GVQW3: variants seen among roughly 807,000 people sequenced by gnomAD.
GVQW3 encodes the protein protein GVQW3.
GVQW3 carries 7 observed loss-of-function variants against 12.5 expected under a neutral mutation model. The observed-to-expected ratio is 0.56, with a 90% CI of 0.32 to 1.05. The LOEUF (loss-of-function observed/expected upper bound fraction) is 1.05. Ranked by LOEUF, GVQW3 falls within the 50% of genes least tolerant of loss-of-function variation. GVQW3 has a pLI of 0.04. For missense variants in GVQW3, 188 were observed against 190.8 expected, an observed-to-expected ratio of 0.99 and a Z score of 0.09; for synonymous variants, 71 against 67.2, an observed-to-expected ratio of 1.06 and a Z score of -0.28.
chr11:76,402,842 G>A (rs1947004034), intron 1 of GVQW3, among the ~76,000 whole-genome samples: 1 of 151,974 alleles, frequency 6.6e-6, no homozygotes, highest in South Asian at 2.1e-4. Flanking sequence ...GGGACTACAG[G>A]CACACACCAC....
Position 76,403,954 on chromosome 11 carries a change from T to A in GVQW3, c.*196T>A, listed in dbSNP as rs1465332458. 1.4e-6 allele frequency: 1 copy of A among 697,454 alleles called. No homozygotes were observed. The highest frequency in any genetic ancestry group is 1.8e-5 in the African/African-American group (1 of 57,094). The allele number at this position is 697,454 out of a possible 1,614,324, so 43.2% of individuals were successfully genotyped here. A position where few individuals can be genotyped will look rare whatever the true frequency, so the allele number is the denominator to read the frequency against. ...ATGAATTGGATGATGTCCATGCACATTAGGGAGGGCTGCCTCTTCATTACT... is the reference window on the plus strand; with the variant it reads ...ATGAATTGGATGATGTCCATGCACAATAGGGAGGGCTGCCTCTTCATTACT... On this transcript the variant is annotated 3_prime_UTR_variant, in exon 2 of 2. Coordinates refer to ENST00000529331, the MANE Select transcript of GVQW3 (RefSeq NM_001347885.2).
intron 1 of GVQW3, among the ~76,000 whole-genome samples, chr11:76,402,960 A>ATTT (rs1313870868): frequency 9.2e-6 from 1 of 108,528 alleles, no homozygotes; most frequent in East Asian, 4.0e-4. Context: ...TTATTTATTT[A>ATTT]TTTTTGAGAC....
At position 76,381,819 on chromosome 11, in the gene GVQW3, C is replaced by T. The variant is rs1218507063; in HGVS notation, c.-10C>T. 2 of 1,517,162 alleles carry T rather than the reference C, an allele frequency of 1.3e-6. No homozygotes were observed. The highest frequency in any genetic ancestry group is 1.8e-6 in the Non-Finnish European group (2 of 1,137,840). 94.0% of individuals were successfully genotyped at this position (1,517,162 alleles called of 1,614,324 possible). ...GCCTGTTAAACGTTCCTGTGTTGTT[C>T]AGTGCCAGAATGAGTGACCGCTATT... On this transcript the variant is annotated 5_prime_UTR_variant, in exon 1 of 2. Transcript: ENST00000529331.
At chr11:76,400,645 C>T (rs61894461) in intron 1 of GVQW3, among the ~76,000 whole-genome samples, 4,090 of 152,190 alleles carry the variant, frequency 0.027, 82 homozygotes, top group East Asian at 0.078. Context: ...GTCTTGAACT[C>T]CTGACCTCAG....
Position 76,393,423 on chromosome 11 carries a change from G to T in GVQW3, c.466-10237G>T, listed in dbSNP as rs1368425230. ...CACCTACTGCAACTGGACAGGGGTGGTCACCCACCTCTCACCTCACTGTCT... is the reference window on the plus strand; with the variant it reads ...CACCTACTGCAACTGGACAGGGGTGTTCACCCACCTCTCACCTCACTGTCT... On this transcript the variant is annotated intron_variant, in intron 1 of 1. Transcript: ENST00000529331. 3.9e-5 allele frequency among the ~76,000 whole-genome samples: 6 copies of T among 152,098 alleles called. No homozygotes were observed. The East Asian group carries it at 1.2e-3, about 29-fold the overall frequency.
In GVQW3 at chr11:76,403,929, A is replaced by G. The variant is rs944770791; in HGVS notation, c.*171A>G. On this transcript the variant is annotated 3_prime_UTR_variant, in exon 2 of 2. Transcript: ENST00000529331. ...TCTTTTTGTTCTATTCAGGTCCTCA[A>G]TGAATTGGATGATGTCCATGCACAT... 1.4e-6 allele frequency: 1 copy of G among 701,934 alleles called. No homozygotes were observed. Among genetic ancestry groups the G allele is most frequent in the Non-Finnish European group, 2.6e-6 (1 of 384,360 alleles). 43.5% of individuals were successfully genotyped at this position (701,934 alleles called of 1,614,324 possible).
At chr11:76,410,335 A>C (rs1832455783), downstream of GVQW3, among the ~76,000 whole-genome samples, 3 of 152,138 alleles carry the variant, frequency 2.0e-5, no homozygotes, top group South Asian at 6.2e-4. Context: ...GTCAAATCCC[A>C]ATGGTTCCTC....
At chr11:76,387,343 G>A (rs1946844765) in intron 1 of GVQW3, among the ~76,000 whole-genome samples, 2 of 152,072 alleles carry the variant, frequency 1.3e-5, no homozygotes, top group South Asian at 4.2e-4. Flanking sequence ...GGCTGAGGCA[G>A]GAGAATTGCT....
intron 1 of GVQW3, among the ~76,000 whole-genome samples, chr11:76,385,554 C>T (rs181999433): frequency 6.6e-6 from 1 of 152,346 alleles, no homozygotes; most frequent in East Asian, 1.9e-4. Flanking sequence ...TCCTGGGTCA[C>T]ATCTTCAGTA....
Position 76,381,953 on chromosome 11 carries a change from G to A in GVQW3, c.125G>A (p.Arg42Lys), listed in dbSNP as rs900385656. 4 of 1,536,306 alleles carry A rather than the reference G, an allele frequency of 2.6e-6. No individual in the cohort carries two copies. The African/African-American group carries it at 5.5e-5, about 21-fold the overall frequency. ...GGGGATGAAGTCATGTCAAGGGCCA[G>A]AGTTTTTGACTGGCACAAAAGGTTT... ...AYGDEVMSRA[R>K]VFDWHKRFKE... The change falls in exon 1 of 2, where the codon AGA becomes AAA. Residue 42 changes from arginine (R) to lysine (K), a missense_variant. Coordinates refer to ENST00000529331, the MANE Select transcript of GVQW3 (RefSeq NM_001347885.2).
intron 1 of GVQW3, among the ~76,000 whole-genome samples, chr11:76,397,021 T>G (rs1946945871): frequency 6.7e-6 from 1 of 150,356 alleles, no homozygotes; most frequent in South Asian, 2.1e-4. Flanking sequence ...TTTTTTTTTT[T>G]TGAGATGGAG....
intron 1 of GVQW3, among the ~76,000 whole-genome samples, chr11:76,391,984 G>A (rs924718533): frequency 6.6e-6 from 1 of 152,130 alleles, no homozygotes; most frequent in Non-Finnish European, 1.5e-5. Context: ...ATCAGTGAAC[G>A]GTCATTTACT....
chr11:76,393,114 CAAG>C (rs1175107016), intron 1 of GVQW3, among the ~76,000 whole-genome samples: 1 of 152,046 alleles, frequency 6.6e-6, no homozygotes. Flanking sequence ...AACATGAAAA[CAAG>C]AAGCCCAAGG....
chr11:76,385,517 C>T lies in GVQW3; in HGVS notation c.465+3224C>T, dbSNP rs564276778. Among the ~76,000 whole-genome samples, 6 of 152,354 alleles carry T rather than the reference C, an allele frequency of 3.9e-5. No individual in the cohort carries two copies. In the South Asian group the frequency reaches 1.2e-3, roughly 32 times the overall value. On this transcript the variant is annotated intron_variant, in intron 1 of 1. Coordinates refer to ENST00000529331, the MANE Select transcript of GVQW3 (RefSeq NM_001347885.2). ...TTCTTCACAGTTTGCTCTTACTCCT[C>T]TCTTTCCTTGTTGCTTTGTTTTCTG...
intron 1 of GVQW3, chr11:76,383,756 C>G (rs377090292): frequency 1.3e-5 from 2 of 150,560 alleles, no homozygotes; most frequent in African/African-American, 4.9e-5. Flanking sequence ...TCCAACCTGG[C>G]GACAGAGCTA....
downstream of GVQW3, among the ~76,000 whole-genome samples, chr11:76,409,425 C>T (rs1441471746): frequency 6.6e-6 from 1 of 152,192 alleles, no homozygotes; most frequent in Non-Finnish European, 1.5e-5. Flanking sequence ...ATGGGGGTAA[C>T]TCCTGTTTGC....
In GVQW3 at chr11:76,407,133, A is replaced by C. The variant is rs1361140646; in HGVS notation, c.*3375A>C. ...CTGCTGTGTTTAAGAAAAATTACTT[A>C]ACTTGTGAGACATTATGAAAAGGAT... On this transcript the variant is annotated 3_prime_UTR_variant, in exon 2 of 2. Transcript: ENST00000529331. 6.6e-6 allele frequency: 1 copy of C among 152,206 alleles called. No individual in the cohort carries two copies. Among genetic ancestry groups the C allele is most frequent in the East Asian group, 1.9e-4 (1 of 5,206 alleles). The allele number at this position is 152,206 out of a possible 1,614,324, so 9.4% of individuals were successfully genotyped here. A position where few individuals can be genotyped will look rare whatever the true frequency, so the allele number is the denominator to read the frequency against.
At position 76,381,750 on chromosome 11, in the gene GVQW3, A is replaced by G. The variant is rs1946770634; in HGVS notation, c.-79A>G. On this transcript the variant is annotated 5_prime_UTR_variant, in exon 1 of 2. Coordinates refer to ENST00000529331, the MANE Select transcript of GVQW3 (RefSeq NM_001347885.2). ...AGAAGAGCGATATGATTACACCTGC[A>G]GCCCTATAAAGATTGATCTGTCCGT... 5 of 1,251,618 alleles carry G rather than the reference A, an allele frequency of 4.0e-6. No homozygotes were observed. Among genetic ancestry groups the G allele is most frequent in the Non-Finnish European group, 4.3e-6 (4 of 929,956 alleles). 77.5% of individuals were successfully genotyped at this position (1,251,618 alleles called of 1,614,324 possible).
rs115369086 is a variant in GVQW3, at chr11:76,396,112, G to T, written c.466-7548G>T. ...TGTATATTTGGAAGCAATGTTGCCA[G>T]GTGGTACTCAGAGGTTCTGGGATAT... On this transcript the variant is annotated intron_variant, in intron 1 of 1. Transcript: ENST00000529331. Among the ~76,000 whole-genome samples the T allele has an allele frequency of 1.7e-3, 262 of 152,224 alleles. 2 individuals carry two copies. The highest frequency in any genetic ancestry group is 6.2e-3 in the African/African-American group (257 of 41,542).
Sources: gnomAD v4.1 joint callset for allele counts (sites outside exome capture counted in the v4.1 genomes callset) on GRCh38, gnomAD v4.1.1 for gene constraint, MANE v1.5 for transcripts, NCBI Gene and HGNC (gene_info 2026-07-23, HGNC 2026-07-21) for gene names.